KCNN2: variants seen among roughly 807,000 people sequenced by gnomAD.
KCNN2 encodes small conductance calcium-activated potassium channel protein 2.
A neutral mutation model predicts 55.5 loss-of-function variants in KCNN2; 24 were observed. The ratio of observed to expected loss-of-function variants is 0.43; its 90% CI spans 0.31 to 0.61. The LOEUF (loss-of-function observed/expected upper bound fraction) is 0.61. Ranked by LOEUF, KCNN2 falls within the 20% of genes least tolerant of loss-of-function variation. The probability of loss-of-function intolerance (pLI) is 0.08; values close to 1 mark genes in which losing one functional copy is unlikely to be tolerated. For missense variants in KCNN2, 754 were observed against 853.6 expected (o/e 0.88, Z 1.45); for synonymous variants, 431 against 336.1 (o/e 1.28, Z -3.09).
In KCNN2 at chr5:114,493,448, A is replaced by G. The variant is rs1192139168; in HGVS notation, c.2064A>G (p.Ala688=). ...KMEQRKLNDQ[A]NTLVDLAKTQ... ...AGCAGAGGAAACTGAATGACCAAGC[A>G]AACACTTTGGTGGACTTGGCAAAGG... is the stretch of plus-strand genomic sequence containing the variant. The change falls in exon 7 of 8, where the codon GCA becomes GCG. Residue 688 remains alanine (A), a synonymous_variant. Transcript: ENST00000673685. 4 of 1,611,138 alleles carry G rather than the reference A, an allele frequency of 2.5e-6. No individual in the cohort carries two copies. The African/African-American group carries it at 5.3e-5, about 22-fold the overall frequency.
At chr5:114,112,714 A>G (rs1052971204) in intron 1 of KCNN2, among the ~76,000 whole-genome samples, 1 of 152,140 alleles carries the variant, frequency 6.6e-6, no homozygotes, top group Non-Finnish European at 1.5e-5. Context: ...GCAAATAAGT[A>G]TGTGGGTGGA....
intron 2 of KCNN2, among the ~76,000 whole-genome samples, chr5:114,401,238 A>G (rs1317135743): frequency 6.6e-6 from 1 of 152,186 alleles, no homozygotes; most frequent in Non-Finnish European, 1.5e-5. Context: ...AAGACCTTTG[A>G]TAGTAAAAAA....
rs993206012 is a variant in KCNN2, at chr5:114,362,623, A to T, written c.484A>T (p.Ser162Cys). 1 of 1,062,546 alleles carries T rather than the reference A, an allele frequency of 9.4e-7. No individual in the cohort carries two copies. The highest frequency in any genetic ancestry group is 1.7e-5 in the South Asian group (1 of 59,166). 65.8% of individuals were successfully genotyped at this position (1,062,546 alleles called of 1,614,324 possible). The stretch of plus-strand genomic sequence containing the variant: ...CGCCTCCCAGTACCACCAGTGCCAC[A>T]GCCTGCAGCCCGCCGCCAGCCCCAC... ...ASASQYHQCH[S>C]LQPAASPTGS... The change falls in exon 1 of 8, where the codon AGC becomes TGC. Residue 162 changes from serine (S) to cysteine (C), a missense_variant. Transcript: ENST00000673685.
At position 114,335,206 on chromosome 5, in the gene KCNN2, T is replaced by C. The variant is rs553617016; in HGVS notation, c.-184-25739T>C. Among the ~76,000 whole-genome samples, 22 of 152,206 alleles carry C rather than the reference T, an allele frequency of 1.4e-4. No homozygotes were observed. The South Asian group carries it at 3.1e-3, about 21-fold the overall frequency. The stretch of plus-strand genomic sequence containing the variant: ...CCAGAGTGCTGGGATTACAGGCACA[T>C]TGCATATTTTTTAGGCCCAATATGA... On this transcript the variant is annotated intron_variant, in intron 2 of 10. Transcript: ENST00000512097.
intron 5 of KCNN2, 192 bp from the exon 6 acceptor site, chr5:114,486,858 A>T: frequency 8.5e-7 from 1 of 1,170,468 alleles, no homozygotes; most frequent in South Asian, 1.4e-5. Flanking sequence ...ATTTCAATTT[A>T]AGTGTTGTTC....
chr5:114,182,372 T>C (rs1365318495), intron 1 of KCNN2, among the ~76,000 whole-genome samples: 1 of 152,112 alleles, frequency 6.6e-6, no homozygotes, highest in Non-Finnish European at 1.5e-5. Context: ...ATGTATTTTT[T>C]TCATATTTCC....
chr5:114,088,771 C>T (rs980098336), intron 1 of KCNN2, among the ~76,000 whole-genome samples: 2 of 152,120 alleles, frequency 1.3e-5, no homozygotes, highest in Admixed American at 1.3e-4. Context: ...AGGCGTCTGC[C>T]ACCATTATCA....
At chr5:114,117,495 G>C (rs73260440) in intron 1 of KCNN2, among the ~76,000 whole-genome samples, 2 of 152,180 alleles carry the variant, frequency 1.3e-5, no homozygotes, top group Non-Finnish European at 2.9e-5. Context: ...CTTCAGCAAC[G>C]GCAAAATGTA....
intron 2 of KCNN2, among the ~76,000 whole-genome samples, chr5:114,257,233 C>T (rs1252174586): frequency 6.6e-6 from 1 of 152,014 alleles, no homozygotes; most frequent in Admixed American, 6.5e-5. Context: ...TACTTTTATA[C>T]CAGGACCATG....
chr5:114,293,075 C>T (rs1384642280), intron 2 of KCNN2, among the ~76,000 whole-genome samples: 2 of 152,176 alleles, frequency 1.3e-5, no homozygotes, highest in South Asian at 2.1e-4. Context: ...TGCTTATCAG[C>T]TTATGGAGAT....
intron 2 of KCNN2, among the ~76,000 whole-genome samples, chr5:114,241,763 C>T (rs12153186): frequency 0.17 from 778 of 4,658 alleles, 184 homozygotes; most frequent in South Asian, 0.26. Context: ...TATATATATA[C>T]GTATATATAT....
At chr5:114,293,791 G>A (rs1755947767) in intron 2 of KCNN2, among the ~76,000 whole-genome samples, 1 of 152,168 alleles carries the variant, frequency 6.6e-6, no homozygotes, top group African/African-American at 2.4e-5. Flanking sequence ...TTTTACCTCT[G>A]GTAGAATTCG....
In KCNN2 at chr5:114,487,077, A is replaced by C. The variant is rs201653547; in HGVS notation, c.1918A>C (p.Arg640=). The C allele has an allele frequency of 2.5e-6, 4 of 1,612,846 alleles. No individual in the cohort carries two copies. Among genetic ancestry groups the C allele is most frequent in the Non-Finnish European group, 3.4e-6 (4 of 1,179,096 alleles). The part of the protein sequence containing the change: ...RVKNAAANVL[R]ETWLIYKNTK... ...AAAAAATGCAGCTGCCAATGTACTC[A>C]GGGAAACATGGCTAATTTACAAAAA... The change falls in exon 6 of 8, where the codon AGG becomes CGG. Residue 640 remains arginine (R), a synonymous_variant. Transcript: ENST00000673685.
chr5:114,491,445 C>A (rs1254683738), intron 6 of KCNN2, among the ~76,000 whole-genome samples: 23 of 149,584 alleles, frequency 1.5e-4, no homozygotes, highest in Non-Finnish European at 1.5e-5. Context: ...GTTGAAACAC[C>A]GATATTGAAT....
At chr5:114,473,819 C>A (rs1388970406) in intron 5 of KCNN2, among the ~76,000 whole-genome samples, 1 of 152,122 alleles carries the variant, frequency 6.6e-6, no homozygotes, top group East Asian at 1.9e-4. Flanking sequence ...GAGGGAAGTG[C>A]TATTATTCTG....
chr5:114,431,283 T>G (rs1425437508), intron 3 of KCNN2, among the ~76,000 whole-genome samples: 1 of 152,112 alleles, frequency 6.6e-6, no homozygotes, highest in Non-Finnish European at 1.5e-5. Flanking sequence ...TATGGGCCTC[T>G]TTAGTTACTT....
chr5:114,124,793 T>G (rs1262392783), intron 1 of KCNN2, among the ~76,000 whole-genome samples: 1 of 152,156 alleles, frequency 6.6e-6, no homozygotes, highest in Admixed American at 6.6e-5. Context: ...CAATGTAACC[T>G]TTTTTTCCTG....
At chr5:114,068,806 CTTTTTCTTT>C (rs1750505149) in intron 1 of KCNN2, among the ~76,000 whole-genome samples, 1 of 151,702 alleles carries the variant, frequency 6.6e-6, no homozygotes, top group African/African-American at 2.4e-5. Flanking sequence ...CTTTTCCTTT[CTTTTTCTTT>C]TTCTTTTTCT....
chr5:114,128,431 G>C (rs1751984422), intron 1 of KCNN2, among the ~76,000 whole-genome samples: 1 of 152,122 alleles, frequency 6.6e-6, no homozygotes, highest in Non-Finnish European at 1.5e-5. Flanking sequence ...AACAGGCTGG[G>C]AGAAACTGCC....
Sources: allele counts gnomAD v4.1 joint callset (sites outside exome capture counted in the v4.1 genomes callset), GRCh38; gene constraint gnomAD v4.1.1; transcripts MANE v1.5; gene names NCBI Gene and HGNC (gene_info 2026-07-23, HGNC 2026-07-21).